Variants in ARHGEF17 observed in about 807,000 individuals in gnomAD.
ARHGEF17 encodes 164 kDa Rho-specific guanine-nucleotide exchange factor.
Under a neutral mutation model 174.0 loss-of-function variants are expected in ARHGEF17, and 80 were observed. That is an observed-to-expected ratio of 0.46 (90% CI 0.38 to 0.55). The LOEUF (loss-of-function observed/expected upper bound fraction) is 0.55, where lower values mean the gene tolerates loss of function less well. Among genes scored for constraint, ARHGEF17 ranks in the 20% least tolerant of loss-of-function variants. ARHGEF17 has a pLI of 0.00. For missense variants in ARHGEF17, 2,886 were observed against 2,839.7 expected, an observed-to-expected ratio of 1.02 and a Z score of -0.37; for synonymous variants, 1,311 against 1,189.1, an observed-to-expected ratio of 1.10 and a Z score of -2.11.
chr11:73,328,189 C>A (rs1865134922), intron 1 of ARHGEF17, among the ~76,000 whole-genome samples: 1 of 152,080 alleles, frequency 6.6e-6, no homozygotes, highest in East Asian at 1.9e-4. Flanking sequence ...CCCAGGTAAT[C>A]CTCTTTGGTA....
chr11:73,351,095 G>T (rs1481019748), intron 2 of ARHGEF17, among the ~76,000 whole-genome samples: 1 of 152,210 alleles, frequency 6.6e-6, no homozygotes, highest in South Asian at 2.1e-4. Context: ...CCTGCTCCTT[G>T]TGGAGCAGCG....
intron 14 of ARHGEF17, among the ~76,000 whole-genome samples, chr11:73,362,968 G>A (rs1035357198): frequency 2.0e-5 from 3 of 152,252 alleles, no homozygotes; most frequent in African/African-American, 7.2e-5. Context: ...GGGTGCTGGT[G>A]GAGTGGGGAC....
chr11:73,309,646 T>C lies in ARHGEF17; in HGVS notation c.1008T>C (p.Pro336=), dbSNP rs751738035. ...SPEPPTSPRA[P]REEGLREWGS... ...AGCCCCCAACATCTCCAAGAGCCCC[T>C]AGAGAAGAAGGACTCCGGGAGTGGG... Residue 336 remains proline (P), a synonymous_variant, in exon 1 of 21, where the codon CCT becomes CCC. Transcript: ENST00000263674. The C allele has an allele frequency of 1.9e-6, 3 of 1,613,054 alleles. No individual in the cohort carries two copies. The highest frequency in any genetic ancestry group is 2.5e-6 in the Non-Finnish European group (3 of 1,180,008).
At chr11:73,314,278 G>T (rs1400957740) in intron 1 of ARHGEF17, among the ~76,000 whole-genome samples, 3 of 152,240 alleles carry the variant, frequency 2.0e-5, no homozygotes, top group African/African-American at 7.2e-5. Context: ...AGAGACGAGA[G>T]GAGCTGTCAT....
intron 12 of ARHGEF17, 152 bp from the exon 13 acceptor site, chr11:73,361,888 T>C: frequency 1.2e-6 from 1 of 800,572 alleles, no homozygotes; most frequent in Non-Finnish European, 1.9e-6. Context: ...CGCGTGTATG[T>C]GTACGCGTGT....
At chr11:73,338,738 G>A (rs1342836477) in intron 1 of ARHGEF17, among the ~76,000 whole-genome samples, 1 of 151,892 alleles carries the variant, frequency 6.6e-6, no homozygotes, top group African/African-American at 2.4e-5. Flanking sequence ...GGTGGAGTGG[G>A]GCTCTCCCCA....
Position 73,367,975 on chromosome 11 carries a change from C to T in ARHGEF17, c.*195C>T. The T allele has an allele frequency of 1.7e-6, 1 of 582,982 alleles. No individual in the cohort carries two copies. Among genetic ancestry groups the T allele is most frequent in the Non-Finnish European group, 2.9e-6 (1 of 339,830 alleles). 36.1% of individuals were successfully genotyped at this position (582,982 alleles called of 1,614,324 possible). A position where few individuals can be genotyped will look rare whatever the true frequency, so the allele number is the denominator to read the frequency against. ...CCAGCCAGGCCATGGCTTCTCCCGA[C>T]CCTCTGGCTGCCCCGGTGCTTCCAG... On this transcript the variant is annotated 3_prime_UTR_variant, in exon 21 of 21. Coordinates refer to ENST00000263674, the MANE Select transcript of ARHGEF17 (RefSeq NM_014786.4).
At position 73,361,110 on chromosome 11, in the gene ARHGEF17, C is replaced by T. The variant is rs560597289; in HGVS notation, c.4443C>T (p.Asp1481=). The T allele has an allele frequency of 6.2e-7, 1 of 1,614,100 alleles. No individual in the cohort carries two copies. The highest frequency in any genetic ancestry group is 1.3e-5 in the African/African-American group (1 of 75,036). ...RKLASSKSCL[D]PEFLKAIPIM... is the part of the protein sequence containing the mutation. ...CAGCATCCAGCAAAAGCTGTCTAGACCCTGAGTTCCTGAAGGCCATCCCCA... is the reference window on the plus strand; with the variant it reads ...CAGCATCCAGCAAAAGCTGTCTAGATCCTGAGTTCCTGAAGGCCATCCCCA... The change falls in exon 12 of 21, where the codon GAC becomes GAT. Residue 1481 remains aspartate (D), a synonymous_variant. Coordinates refer to ENST00000263674, the MANE Select transcript of ARHGEF17 (RefSeq NM_014786.4).
intron 10 of ARHGEF17, 40 bp downstream of exon 10, chr11:73,359,992 G>A: frequency 1.3e-6 from 2 of 1,523,074 alleles, no homozygotes; most frequent in Admixed American, 2.0e-5. Context: ...CCAGAGGGTG[G>A]GAGGCTTCTG....
intron 11 of ARHGEF17, 33 bp downstream of exon 11, chr11:73,360,566 T>C (rs765225141): frequency 6.2e-7 from 1 of 1,610,388 alleles, no homozygotes; most frequent in South Asian, 1.1e-5. Flanking sequence ...CCTCTCCTCC[T>C]AGAGCTTCCA....
intron 1 of ARHGEF17, among the ~76,000 whole-genome samples, chr11:73,343,519 A>G (rs1021057125): frequency 9.9e-5 from 15 of 152,152 alleles, no homozygotes; most frequent in African/African-American, 3.4e-4. Context: ...GTAGAAGCTG[A>G]GGCTGTCGCC....
chr11:73,367,639 C>G lies in ARHGEF17; in HGVS notation c.6051C>G (p.Pro2017=), dbSNP rs144429256. Residue 2017 remains proline, a synonymous_variant, in exon 21 of 21, where the codon CCC becomes CCG. Coordinates refer to ENST00000263674, the MANE Select transcript of ARHGEF17 (RefSeq NM_014786.4). ...GGGACTCCCCTTGGCACCGAGGCCC[C>G]GCCCCTGCCAGGCCTAAAATGCTGG... ...EHRDSPWHRG[P]APARPKMLVI... 42 of 1,613,900 alleles carry G rather than the reference C, an allele frequency of 2.6e-5. No individual in the cohort carries two copies. The highest frequency in any genetic ancestry group is 4.0e-5 in the African/African-American group (3 of 74,942).
At position 73,367,006 on chromosome 11, in the gene ARHGEF17, C is replaced by T. The variant is rs1193883416; in HGVS notation, c.5996-578C>T. 2.6e-5 allele frequency among the ~76,000 whole-genome samples: 4 copies of T among 152,244 alleles called. No individual in the cohort carries two copies. In the East Asian group the frequency reaches 7.7e-4, roughly 29 times the overall value. ...AGTGAGCCAAGAGTATGTGCCATTG[C>T]ACTCCAGCCCAGGCAACAAGAGCAA... On this transcript the variant is annotated intron_variant, in intron 20 of 20. Transcript: ENST00000263674.
chr11:73,365,135 A>G lies in ARHGEF17; in HGVS notation c.5551-255A>G, dbSNP rs1245392859. 2 of 501,924 alleles carry G rather than the reference A, an allele frequency of 4.0e-6. No individual in the cohort carries two copies. The highest frequency in any genetic ancestry group is 2.4e-5 in the South Asian group (1 of 41,686). 31.1% of individuals were successfully genotyped at this position (501,924 alleles called of 1,614,324 possible). On this transcript the variant is annotated intron_variant, in intron 18 of 20. Transcript: ENST00000263674. The surrounding 1 kb of genome is among the most constrained non-coding windows in gnomAD (Gnocchi z 4.9). ...CTGTCCAGGGGGAGGCCAGTGACTG[A>G]TTTTAGAACCCTTTAAGCATTGAAG...
chr11:73,325,765 A>G (rs1049139903), intron 1 of ARHGEF17, among the ~76,000 whole-genome samples: 17 of 152,224 alleles, frequency 1.1e-4, no homozygotes, highest in African/African-American at 3.1e-4. Flanking sequence ...GAACAGAGCA[A>G]TTTGCTCCTG....
In ARHGEF17 at chr11:73,310,946, C is replaced by T. The variant is rs1477477871; in HGVS notation, c.2308C>T (p.Pro770Ser). The T allele has an allele frequency of 2.5e-6, 4 of 1,614,026 alleles. No individual in the cohort carries two copies. The Admixed American group carries it at 5.0e-5, about 20-fold the overall frequency. Residue 770 changes from proline (P) to serine (S), a missense_variant, in exon 1 of 21, where the codon CCT becomes TCT. Transcript: ENST00000263674. ...LGSLSPKTGL[P>S]ATSAMDEGLT... ...CTCACTGAGCCCCAAGACAGGGCTC[C>T]CTGCCACCTCAGCCATGGATGAGGG...
chr11:73,365,326 A>C lies in ARHGEF17; in HGVS notation c.5551-64A>C, dbSNP rs1865816052. The C allele has an allele frequency of 1.9e-6, 3 of 1,581,164 alleles. No homozygotes were observed. In the Admixed American group the frequency reaches 5.1e-5, roughly 27 times the overall value. Reference sequence around the variant, plus strand: ...GAGGGATGGACACTGGTGAAGCTCCAGGCTAGGGTGGGCCAAGGGAGGCAG... The same window carrying C: ...GAGGGATGGACACTGGTGAAGCTCCCGGCTAGGGTGGGCCAAGGGAGGCAG... On this transcript the variant is annotated intron_variant, in intron 18 of 20. Transcript: ENST00000263674. This position sits in a 1 kb window ranked among gnomAD's most constrained non-coding sequence, Gnocchi z 4.9.
intron 1 of ARHGEF17, among the ~76,000 whole-genome samples, chr11:73,334,420 CAGCCTGGCTA>C (rs1207534458): frequency 6.6e-6 from 1 of 152,094 alleles, no homozygotes; most frequent in Non-Finnish European, 1.5e-5. Flanking sequence ...GTGAAGAGAC[CAGCCTGGCTA>C]GAGGAGAGGC....
At chr11:73,356,080 C>T in intron 5 of ARHGEF17, 95 bp from the exon 6 acceptor site, 1 of 1,571,758 alleles carries the variant, frequency 6.4e-7, no homozygotes, top group East Asian at 2.3e-5. Flanking sequence ...GAAAGATAGT[C>T]CTCTTTGGTG....
Sources: allele counts gnomAD v4.1 joint callset (sites outside exome capture counted in the v4.1 genomes callset), GRCh38; gene constraint gnomAD v4.1.1; non-coding constraint Gnocchi (gnomAD v3.1); transcripts MANE v1.5; gene names NCBI Gene and HGNC (gene_info 2026-07-23, HGNC 2026-07-21).